Variants in PPARGC1B observed in about 807,000 individuals in gnomAD.
The protein encoded by PPARGC1B is PPARG coactivator 1 beta.
Under a neutral mutation model 101.6 loss-of-function variants are expected in PPARGC1B, and 34 were observed. That is an observed-to-expected ratio of 0.33 (90% confidence interval 0.25 to 0.45). PPARGC1B has a LOEUF of 0.45. Ranked by LOEUF, PPARGC1B falls within the 20% of genes least tolerant of loss-of-function variation. PPARGC1B has a pLI of 1.00. For synonymous variants in PPARGC1B, 548 were observed against 539.3 expected, an observed-to-expected ratio of 1.02 and a Z score of -0.22; for missense variants, 1,234 against 1,317.6, an observed-to-expected ratio of 0.94 and a Z score of 0.98.
chr5:149,759,297 C>G (rs528457500), intron 1 of PPARGC1B, among the ~76,000 whole-genome samples: 44 of 152,276 alleles, frequency 2.9e-4, no homozygotes, highest in African/African-American at 1.0e-3. Flanking sequence ...TTGCACTTCT[C>G]TCTTCTTGAG....
intron 3 of PPARGC1B, among the ~76,000 whole-genome samples, chr5:149,827,761 T>C (rs1225336362): frequency 2.0e-5 from 3 of 152,188 alleles, no homozygotes; most frequent in Non-Finnish European, 4.4e-5. Flanking sequence ...ATAGCAGCTT[T>C]CTAGGGAGAA....
Position 149,836,532 on chromosome 5 carries a change from G to A in PPARGC1B, c.2077G>A (p.Asp693Asn), listed in dbSNP as rs1759087378. 1.9e-6 allele frequency: 3 copies of A among 1,613,902 alleles called. No homozygotes were observed. The highest frequency in any genetic ancestry group is 2.5e-6 in the Non-Finnish European group (3 of 1,180,054). The change falls in exon 8 of 12, where the codon GAC becomes AAC. Residue 693 changes from aspartate to asparagine, a missense_variant. Physicochemically the swap from Asp to Asn is conservative, Grantham distance 23. This residue lies in a region of PPARGC1B where 497 missense variants were observed against 529.5 expected (regional missense o/e 0.94). Transcript: ENST00000309241. ...RPFSCSFGDH[D>N]YCQVLRPEGV... The stretch of plus-strand genomic sequence containing the variant: ...CTTCTCCTGTTCCTTTGGAGACCAT[G>A]ACTACTGCCAGGTGCTCCGACCAGA...
In PPARGC1B at chr5:149,837,943, G is replaced by A. The variant is rs1324853492; in HGVS notation, c.2618+870G>A. ...CGCCTCCACTGGCCGGCCCACACCC[G>A]GGTGTCTGATCTGTAGGTCTGGGGT... On this transcript the variant is annotated intron_variant, in intron 8 of 11. Coordinates refer to ENST00000309241, the MANE Select transcript of PPARGC1B (RefSeq NM_133263.4). The surrounding 1 kb of genome is among the most constrained non-coding windows in gnomAD (Gnocchi z 4.2). Among the ~76,000 whole-genome samples, 2 of 152,088 alleles carry A rather than the reference G, an allele frequency of 1.3e-5. No homozygotes were observed. Among genetic ancestry groups the A allele is most frequent in the African/African-American group, 4.8e-5 (2 of 41,398 alleles).
intron 7 of PPARGC1B, among the ~76,000 whole-genome samples, chr5:149,835,637 G>T (rs1422394420): frequency 1.3e-5 from 2 of 152,244 alleles, no homozygotes; most frequent in East Asian, 3.9e-4. Context: ...TTTATCTGCG[G>T]TGCCTGCCCC....
intron 1 of PPARGC1B, among the ~76,000 whole-genome samples, chr5:149,759,158 T>TAA (rs1450340060): frequency 6.6e-6 from 1 of 152,250 alleles, no homozygotes; most frequent in Admixed American, 6.5e-5. Flanking sequence ...GAATCTATCT[T>TAA]TATTAAGGCC....
intron 2 of PPARGC1B, 39 bp from the exon 3 acceptor site, chr5:149,826,634 C>T: frequency 6.7e-7 from 1 of 1,495,638 alleles, no homozygotes. Context: ...AACCATCTCC[C>T]CATCTGCCTT....
intron 1 of PPARGC1B, among the ~76,000 whole-genome samples, chr5:149,763,927 G>A (rs1755810159): frequency 6.6e-6 from 1 of 152,102 alleles, no homozygotes; most frequent in Admixed American, 6.6e-5. Context: ...GGGATTACAG[G>A]CGCAGCACTT....
chr5:149,834,188 TAAC>T (rs1758947676), intron 5 of PPARGC1B, among the ~76,000 whole-genome samples: 1 of 152,250 alleles, frequency 6.6e-6, no homozygotes, highest in Non-Finnish European at 1.5e-5. Context: ...GCAGTAATGA[TAAC>T]AACAGTTAGC....
In PPARGC1B at chr5:149,836,150, A is replaced by C. The variant is rs544185626; in HGVS notation, c.1808-113A>C. 241 of 912,814 alleles carry C rather than the reference A, an allele frequency of 2.6e-4. No homozygotes were observed. In the African/African-American group the frequency reaches 3.5e-3, roughly 13 times the overall value. 56.5% of individuals were successfully genotyped at this position (912,814 alleles called of 1,614,324 possible). A position where few individuals can be genotyped will look rare whatever the true frequency, so the allele number is the denominator to read the frequency against. On this transcript the variant is annotated intron_variant, in intron 7 of 11. Transcript: ENST00000309241. ...GTAATCCACCCACCTCACCCTCCCAAAATGTTGGGATTATAGGTGTGAGCT... is the reference window on the plus strand; with the variant it reads ...GTAATCCACCCACCTCACCCTCCCACAATGTTGGGATTATAGGTGTGAGCT...
rs571834680 is a variant in PPARGC1B at position 149,731,476 on chromosome 5, C to T, written c.78+1056C>T. Among the ~76,000 whole-genome samples the T allele has an allele frequency of 3.7e-4, 56 of 152,284 alleles. 2 individuals are homozygous for T. The East Asian group carries it at 0.011, about 30-fold the overall frequency. ...ATGCGGCGGAACCTCGGAGGAGCCC[C>T]GGGTGCTGGCACACGCCTGGGCACG... On this transcript the variant is annotated intron_variant, in intron 1 of 11. Transcript: ENST00000309241.
intron 1 of PPARGC1B, among the ~76,000 whole-genome samples, chr5:149,785,075 G>A (rs1023815223): frequency 1.3e-5 from 2 of 152,178 alleles, no homozygotes; most frequent in African/African-American, 4.8e-5. Flanking sequence ...TTAATTACAA[G>A]GGGTTCTCTA....
chr5:149,837,044 C>T lies in PPARGC1B; in HGVS notation c.2589C>T (p.Ser863=), dbSNP rs752430248. The T allele has an allele frequency of 2.5e-6, 4 of 1,613,428 alleles. No individual in the cohort carries two copies. The South Asian group carries it at 4.4e-5, about 18-fold the overall frequency. Residue 863 remains serine (S), a synonymous_variant, in exon 8 of 12, where the codon TCC becomes TCT. Transcript: ENST00000309241. The surrounding 1 kb of genome is among the most constrained non-coding windows in gnomAD (Gnocchi z 4.2). ...RSSSGSSPCH[S]WSPATRRNFR... is the part of the protein sequence containing the mutation. ...GCTCTGGCTCTTCACCCTGCCACTC[C>T]TGGTCACCAGCCACTCGAAGGAACT...
chr5:149,816,758 C>T (rs1758069837), intron 1 of PPARGC1B, among the ~76,000 whole-genome samples: 1 of 152,188 alleles, frequency 6.6e-6, no homozygotes, highest in African/African-American at 2.4e-5. Context: ...GGGGGCTTTG[C>T]TGGCCTCGGA....
intron 4 of PPARGC1B, among the ~76,000 whole-genome samples, chr5:149,831,943 G>A (rs762338930): frequency 2.6e-4 from 40 of 152,166 alleles, no homozygotes; most frequent in Admixed American, 2.2e-3. Flanking sequence ...GCCACCTATT[G>A]TAAACAATTC....
chr5:149,847,340 C>G, intron 11 of PPARGC1B, 118 bp from the exon 12 acceptor site: 1 of 816,434 alleles, frequency 1.2e-6, no homozygotes, highest in Non-Finnish European at 2.2e-6. Flanking sequence ...CTCCCCAAGG[C>G]CTTGGGCTGC....
At position 149,768,539 on chromosome 5, in the gene PPARGC1B, G is replaced by A. The variant is rs143057405; in HGVS notation, c.78+38119G>A. 4.8e-3 allele frequency among the ~76,000 whole-genome samples: 714 copies of A among 150,128 alleles called. 5 individuals carry two copies. Among genetic ancestry groups the A allele is most frequent in the African/African-American group, 0.017 (672 of 40,432 alleles). On this transcript the variant is annotated intron_variant, in intron 1 of 11. Coordinates refer to ENST00000309241, the MANE Select transcript of PPARGC1B (RefSeq NM_133263.4). ...GCTCACTGCAACCTCCGCCTCTCAGGTTCAAGCGATTCTGCCACCTCAGCC... is the reference window on the plus strand; with the variant it reads ...GCTCACTGCAACCTCCGCCTCTCAGATTCAAGCGATTCTGCCACCTCAGCC...
At chr5:149,796,130 A>T (rs1757205397) in intron 1 of PPARGC1B, among the ~76,000 whole-genome samples, 1 of 152,210 alleles carries the variant, frequency 6.6e-6, no homozygotes, top group Admixed American at 6.5e-5. Context: ...AGTGATGTAG[A>T]TCATGAAGAA....
intron 1 of PPARGC1B, among the ~76,000 whole-genome samples, chr5:149,800,662 G>GC (rs1341153105): frequency 6.6e-6 from 1 of 152,240 alleles, no homozygotes; most frequent in African/African-American, 2.4e-5. Flanking sequence ...TGTTTTTGCT[G>GC]CTGTTGTCAT....
At chr5:149,816,285 T>C (rs1581088362) in intron 1 of PPARGC1B, among the ~76,000 whole-genome samples, 1 of 152,224 alleles carries the variant, frequency 6.6e-6, no homozygotes, top group East Asian at 1.9e-4. Context: ...GGGCAATCAA[T>C]AAGTGTAGTC....
Sources: allele counts gnomAD v4.1 joint callset (sites outside exome capture counted in the v4.1 genomes callset), GRCh38; gene constraint gnomAD v4.1.1; regional missense constraint gnomAD v4.1.1; non-coding constraint Gnocchi (gnomAD v3.1); transcripts MANE v1.5; gene names NCBI Gene and HGNC (gene_info 2026-07-23, HGNC 2026-07-21).